Variants in ANK2 observed in about 807,000 individuals in gnomAD.
The protein encoded by ANK2 is ankyrin 2.
Under a neutral mutation model 360.5 loss-of-function variants are expected in ANK2, and 83 were observed. The observed-to-expected ratio is 0.23, with a 90% CI of 0.19 to 0.28. The LOEUF (loss-of-function observed/expected upper bound fraction) is 0.28, where lower values mean the gene tolerates loss of function less well. ANK2 is among the 10% of genes least tolerant of loss of function. The pLI is 1.00. For synonymous variants in ANK2, 1,740 were observed against 1,759.5 expected (o/e 0.99, Z 0.28); for missense variants, 4,201 against 4,795.7 (o/e 0.88, Z 3.66).
intron 15 of ANK2, 152 bp from the exon 16 acceptor site, chr4:113,277,685 T>C: frequency 1.6e-6 from 1 of 630,024 alleles, no homozygotes. Context: ...TCTTTTTCTT[T>C]GTCCTTGTTC....
At chr4:112,758,615 G>C in the ANK2 span, among the ~76,000 whole-genome samples, 534 of 152,110 alleles carry the variant, frequency 3.5e-3, 3 homozygotes, top group Admixed American at 6.9e-3. Context: ...GGGTTTCACT[G>C]TGTTGGCCAG....
chr4:112,896,959 G>C (rs2150773549), intron 1 of ANK2, among the ~76,000 whole-genome samples: 1 of 152,300 alleles, frequency 6.6e-6, no homozygotes, highest in East Asian at 1.9e-4. Flanking sequence ...TGAAGCCTCT[G>C]TATGAAAGGG....
the ANK2 span, among the ~76,000 whole-genome samples, chr4:112,793,427 A>ATTAG: frequency 1.3e-5 from 2 of 152,186 alleles, no homozygotes; most frequent in East Asian, 3.9e-4. Flanking sequence ...ACTAAGGCAT[A>ATTAG]TTAGTTATCA....
intron 2 of ANK2, among the ~76,000 whole-genome samples, chr4:112,947,031 A>C (rs1356767023): frequency 2.0e-5 from 3 of 152,192 alleles, no homozygotes; most frequent in Non-Finnish European, 2.9e-5. Context: ...AGAAACAACA[A>C]ATCAGTATGA....
chr4:113,153,316 A>G (rs1345392275), intron 1 of ANK2, among the ~76,000 whole-genome samples: 8 of 152,124 alleles, frequency 5.3e-5, no homozygotes, highest in Non-Finnish European at 1.2e-4. Flanking sequence ...TTTGTGTCAT[A>G]CCTTTCTAGA....
At chr4:113,140,450 G>C (rs183430565) in intron 1 of ANK2, among the ~76,000 whole-genome samples, 1 of 152,120 alleles carries the variant, frequency 6.6e-6, no homozygotes, top group South Asian at 2.1e-4. Context: ...AAAATATAAA[G>C]TATTGACTAA....
intron 38 of ANK2, among the ~76,000 whole-genome samples, chr4:113,359,915 G>A (rs1465067114): frequency 6.6e-6 from 1 of 152,126 alleles, no homozygotes; most frequent in East Asian, 1.9e-4. Context: ...AATGGAGAAT[G>A]TACTCTCATT....
chr4:112,927,712 A>G (rs1268212402), intron 2 of ANK2, among the ~76,000 whole-genome samples: 2 of 152,228 alleles, frequency 1.3e-5, no homozygotes, highest in African/African-American at 2.4e-5. Context: ...TTACTAAACT[A>G]TAGTCATAAA....
intron 32 of ANK2, among the ~76,000 whole-genome samples, chr4:113,340,400 A>G (rs563816690): frequency 6.6e-6 from 1 of 152,364 alleles, no homozygotes; most frequent in African/African-American, 2.4e-5. Flanking sequence ...TAATTCAAAA[A>G]TAATACTTGA....
intron 4 of ANK2, among the ~76,000 whole-genome samples, chr4:113,201,905 G>A (rs778294405): frequency 3.9e-5 from 6 of 152,226 alleles, no homozygotes; most frequent in Middle Eastern, 3.4e-3. Context: ...TTATTAAGAC[G>A]TTAAAATAAT....
At chr4:113,230,471 C>A (rs1425102869) in intron 4 of ANK2, among the ~76,000 whole-genome samples, 4 of 151,752 alleles carry the variant, frequency 2.6e-5, no homozygotes, top group Admixed American at 1.3e-4. Context: ...GCCAAGATTG[C>A]ACCACTGCAC....
intron 2 of ANK2, among the ~76,000 whole-genome samples, chr4:112,909,695 G>A (rs1344139074): frequency 6.6e-6 from 1 of 152,144 alleles, no homozygotes; most frequent in Non-Finnish European, 1.5e-5. Context: ...TGGGGAAAAA[G>A]TATTCACTCT....
Position 113,318,556 on chromosome 4 carries a change from C to A in ANK2, c.2836C>A (p.Arg946Ser). ...LAKEAERNSY[R>S]LSWGTENLDN... ...CAAGGAGGCAGAAAGGAATTCTTATCGCCTAAGCTGGGGCACTGAGAACTT... is the reference window on the plus strand; with the variant it reads ...CAAGGAGGCAGAAAGGAATTCTTATAGCCTAAGCTGGGGCACTGAGAACTT... The change falls in exon 26 of 46, where the codon CGC becomes AGC. Residue 946 changes from arginine (R) to serine (S), a missense_variant. Coordinates refer to ENST00000357077, the MANE Select transcript of ANK2 (RefSeq NM_001148.6). 6.2e-7 allele frequency: 1 copy of A among 1,613,752 alleles called. No homozygotes were observed. Among genetic ancestry groups the A allele is most frequent in the Non-Finnish European group, 8.5e-7 (1 of 1,179,788 alleles).
At chr4:113,206,814 A>G (rs2098955710) in intron 4 of ANK2, among the ~76,000 whole-genome samples, 1 of 152,210 alleles carries the variant, frequency 6.6e-6, no homozygotes, top group African/African-American at 2.4e-5. Context: ...ACTTAAGGTC[A>G]GGAGTTCGAG....
At chr4:113,291,381 C>T (rs2067481138) in intron 20 of ANK2, among the ~76,000 whole-genome samples, 1 of 152,124 alleles carries the variant, frequency 6.6e-6, no homozygotes, top group Admixed American at 6.5e-5. Flanking sequence ...TTCAGGTTTC[C>T]TGGGGTCATC....
intron 34 of ANK2, among the ~76,000 whole-genome samples, chr4:113,344,460 G>A (rs2094606690): frequency 1.3e-5 from 2 of 152,118 alleles, no homozygotes; most frequent in South Asian, 4.1e-4. Context: ...GCAAAATAGT[G>A]CAGCGACTTT....
At chr4:112,750,713 T>C in the ANK2 span, among the ~76,000 whole-genome samples, 16 of 152,080 alleles carry the variant, frequency 1.1e-4, no homozygotes, top group East Asian at 2.9e-3. Context: ...CCTATTTTTA[T>C]GGTTATTTCT....
chr4:112,739,242 C>A, the ANK2 span: 1 of 267,836 alleles, frequency 3.7e-6, no homozygotes, highest in South Asian at 4.0e-5. Context: ...GCAAAAAAGT[C>A]TGATTTGTCT....
At chr4:113,301,637 C>T (rs1418481835) in intron 22 of ANK2, among the ~76,000 whole-genome samples, 4 of 152,122 alleles carry the variant, frequency 2.6e-5, no homozygotes, top group African/African-American at 9.7e-5. Context: ...AAATGCTCCT[C>T]CCCCTTCCTT....
Sources: gnomAD v4.1 joint callset for allele counts (sites outside exome capture counted in the v4.1 genomes callset) on GRCh38, gnomAD v4.1.1 for gene constraint, MANE v1.5 for transcripts, NCBI Gene and HGNC (gene_info 2026-07-23, HGNC 2026-07-21) for gene names.